DGKI: variants seen among roughly 807,000 people sequenced by gnomAD.
The protein encoded by DGKI is diacylglycerol kinase iota.
A neutral mutation model predicts 147.5 loss-of-function variants in DGKI; 55 were observed. The observed-to-expected ratio is 0.37, with a 90% CI of 0.30 to 0.47. The LOEUF (loss-of-function observed/expected upper bound fraction) is 0.47, where lower values mean the gene tolerates loss of function less well. Among genes scored for constraint, DGKI ranks in the 20% least tolerant of loss-of-function variants. The pLI is 1.00. For missense variants in DGKI, 1,007 were observed against 1,323.8 expected, an observed-to-expected ratio of 0.76 and a Z score of 3.71; for synonymous variants, 469 against 477.1, an observed-to-expected ratio of 0.98 and a Z score of 0.22.
chr7:137,588,450 T>C (rs939642323), intron 12 of DGKI, among the ~76,000 whole-genome samples: 1 of 148,336 alleles, frequency 6.7e-6, no homozygotes, highest in African/African-American at 2.5e-5. Context: ...GAGTTCACAG[T>C]AACACAAAGA....
intron 23 of DGKI, among the ~76,000 whole-genome samples, chr7:137,472,912 A>T (rs564956276): frequency 1.3e-5 from 2 of 152,254 alleles, no homozygotes; most frequent in East Asian, 3.9e-4. Flanking sequence ...TAATTTCTGT[A>T]TGTAAAAATC....
chr7:137,792,735 T>C (rs1215600006), intron 1 of DGKI, among the ~76,000 whole-genome samples: 1 of 152,212 alleles, frequency 6.6e-6, no homozygotes, highest in Non-Finnish European at 1.5e-5. Flanking sequence ...TCTCACTCTA[T>C]TAGTTCACAT....
chr7:137,623,532 A>G lies in DGKI; in HGVS notation c.827T>C (p.Phe276Ser). 6.2e-7 allele frequency: 1 copy of G among 1,614,042 alleles called. No individual in the cohort carries two copies. Among genetic ancestry groups the G allele is most frequent in the Non-Finnish European group, 8.5e-7 (1 of 1,179,934 alleles). ...GATAGCCACAATCTCTTTACTGTGG[A>G]AGGAGAACTTTTGCTGGAAGCCCTG... is the stretch of plus-strand genomic sequence containing the variant. Reference protein sequence around the residue: ...CGKGFQQKFSFHSKEIVAISC... With the variant: ...CGKGFQQKFSSHSKEIVAISC... The change falls in exon 7 of 33, where the codon TTC (phenylalanine) becomes TCC (serine). Residue 276 changes from phenylalanine (F) to serine (S), a missense_variant. Phe to Ser is a radical substitution (Grantham distance 155). Transcript: ENST00000614521.
In DGKI at chr7:137,662,336, C is replaced by T. The variant is rs539062456; in HGVS notation, c.607-5796G>A. Among the ~76,000 whole-genome samples, 122 of 151,534 alleles carry T rather than the reference C, an allele frequency of 8.1e-4. 1 individual carries two copies. In the South Asian group the frequency reaches 0.013, roughly 16 times the overall value. ...TCGGCTCACTGCAAGCTCTGCCTCC[C>T]GGGTTCACGCCATTCTCCTGCCTCA... On this transcript the variant is annotated intron_variant, in intron 3 of 32. Coordinates refer to ENST00000614521, the MANE Select transcript of DGKI (RefSeq NM_001321708.2).
chr7:137,844,152 G>A (rs866024786), intron 1 of DGKI, among the ~76,000 whole-genome samples: 13 of 152,186 alleles, frequency 8.5e-5, no homozygotes, highest in African/African-American at 2.9e-4. Context: ...CCTGCTGCAG[G>A]AGTCCAGCAC....
At position 137,467,308 on chromosome 7, in the gene DGKI, T is replaced by C. The variant is rs145591127; in HGVS notation, c.2444-366A>G. On this transcript the variant is annotated intron_variant, in intron 24 of 32. Coordinates refer to ENST00000614521, the MANE Select transcript of DGKI (RefSeq NM_001321708.2). ...TTAAAACTTCTTATACAGACTATCTTCACAGATAACCATGAGACTAAGAGA... is the reference window on the plus strand; with the variant it reads ...TTAAAACTTCTTATACAGACTATCTCCACAGATAACCATGAGACTAAGAGA... 4.1e-4 allele frequency among the ~76,000 whole-genome samples: 63 copies of C among 152,344 alleles called. 1 individual carries two copies. The highest frequency in any genetic ancestry group is 7.9e-4 in the Non-Finnish European group (54 of 68,042).
rs1054373021 is a variant in DGKI at position 137,543,238 on chromosome 7, C to T, written c.2147+9131G>A. On this transcript the variant is annotated intron_variant, in intron 20 of 32. Transcript: ENST00000614521. ...ATGAGGACTTTACTTCATTATGAAGCCAATCAATTATAAAGAATTTATTAA... is the reference window on the plus strand; with the variant it reads ...ATGAGGACTTTACTTCATTATGAAGTCAATCAATTATAAAGAATTTATTAA... Among the ~76,000 whole-genome samples the T allele has an allele frequency of 1.4e-4, 21 of 152,096 alleles. 1 individual carries two copies. Among genetic ancestry groups the T allele is most frequent in the African/African-American group, 4.1e-4 (17 of 41,430 alleles).
At chr7:137,536,663 T>C in intron 20 of DGKI, among the ~76,000 whole-genome samples, 1 of 152,130 alleles carries the variant, frequency 6.6e-6, no homozygotes, top group South Asian at 2.1e-4. Flanking sequence ...AAAACTGAAA[T>C]GCAAAAGGTT....
chr7:137,717,334 A>G (rs1695706163), intron 1 of DGKI, among the ~76,000 whole-genome samples: 1 of 151,984 alleles, frequency 6.6e-6, no homozygotes, highest in African/African-American at 2.4e-5. Flanking sequence ...AAAATTGCAT[A>G]TTTTTTTTCT....
chr7:137,749,439 C>G (rs1008610668), intron 1 of DGKI, among the ~76,000 whole-genome samples: 1 of 152,206 alleles, frequency 6.6e-6, no homozygotes, highest in African/African-American at 2.4e-5. Context: ...GTACTTCCCA[C>G]CTTGCTCCCC....
chr7:137,514,184 C>T (rs923928935), intron 21 of DGKI, among the ~76,000 whole-genome samples: 6 of 151,718 alleles, frequency 4.0e-5, no homozygotes, highest in Non-Finnish European at 8.8e-5. Flanking sequence ...TATTTGTGGC[C>T]GAGTGTAACA....
chr7:137,572,665 G>T (rs1231736079), intron 18 of DGKI, 100 bp downstream of exon 18: 5 of 749,772 alleles, frequency 6.7e-6, no homozygotes, highest in East Asian at 2.6e-5. Flanking sequence ...TTAGATAACT[G>T]ATCTTCATTG....
At chr7:137,486,393 A>AT (rs1815190283) in intron 22 of DGKI, among the ~76,000 whole-genome samples, 1 of 152,048 alleles carries the variant, frequency 6.6e-6, no homozygotes, top group Admixed American at 6.6e-5. Context: ...ATTATGATTC[A>AT]TTTTTTTCAT....
chr7:137,478,991 A>G (rs1471489312), intron 23 of DGKI, among the ~76,000 whole-genome samples: 2 of 152,202 alleles, frequency 1.3e-5, no homozygotes, highest in Non-Finnish European at 2.9e-5. Flanking sequence ...ATGCAGCTAT[A>G]TTTCCCTGAG....
chr7:137,536,003 A>G (rs1014873462), intron 20 of DGKI, among the ~76,000 whole-genome samples: 2 of 152,284 alleles, frequency 1.3e-5, no homozygotes, highest in Admixed American at 1.3e-4. Flanking sequence ...TTGAACTATA[A>G]ACCTATGACA....
intron 20 of DGKI, among the ~76,000 whole-genome samples, chr7:137,535,231 A>G (rs1186641737): frequency 1.3e-5 from 2 of 152,170 alleles, no homozygotes; most frequent in Admixed American, 6.6e-5. Flanking sequence ...AAAAAGATAT[A>G]TAATGGAAGA....
intron 1 of DGKI, among the ~76,000 whole-genome samples, chr7:137,811,319 A>G (rs1264263819): frequency 6.6e-6 from 1 of 151,674 alleles, no homozygotes; most frequent in South Asian, 2.1e-4. Context: ...AACAATACAG[A>G]TTTAATTCTC....
At chr7:137,557,703 T>A (rs1376610943) in intron 19 of DGKI, among the ~76,000 whole-genome samples, 1 of 152,100 alleles carries the variant, frequency 6.6e-6, no homozygotes, top group East Asian at 1.9e-4. Context: ...TGAGAAGCAC[T>A]CTCTCCAGGC....
At chr7:137,618,149 A>ATTTTTTTTT (rs1202086534) in intron 8 of DGKI, among the ~76,000 whole-genome samples, 10 of 6,842 alleles carry the variant, frequency 1.5e-3, no homozygotes, top group African/African-American at 2.3e-3. Context: ...ATATATATAT[A>ATTTTTTTTT]TATTTTTTTT....
Sources: gnomAD v4.1 joint callset for allele counts (sites outside exome capture counted in the v4.1 genomes callset) on GRCh38, gnomAD v4.1.1 for gene constraint, MANE v1.5 for transcripts, NCBI Gene and HGNC (gene_info 2026-07-23, HGNC 2026-07-21) for gene names.